Variants in R3HCC1L observed in about 807,000 individuals in gnomAD.
R3HCC1L encodes R3H domain and coiled-coil containing 1 like.
Under a neutral mutation model 59.9 loss-of-function variants are expected in R3HCC1L, and 51 were observed. That is an observed-to-expected ratio of 0.85 (90% CI 0.68 to 1.07). R3HCC1L has a LOEUF of 1.07. Among genes scored for constraint, R3HCC1L ranks in the 50% least tolerant of loss-of-function variants. R3HCC1L has a pLI of 0.00. For synonymous variants in R3HCC1L, 322 were observed against 315.2 expected (o/e 1.02, Z -0.23); for missense variants, 965 against 933.0 (o/e 1.03, Z -0.45).
rs11189497 is a variant in R3HCC1L at position 98,154,357 on chromosome 10, G to A, written c.-267-1736G>A. On this transcript the variant is annotated intron_variant, in intron 1 of 9. Coordinates refer to ENST00000298999, the MANE Select transcript of R3HCC1L (RefSeq NM_001351015.2). ...TGTATGGAGGAATCTGGTGTGTGCA[G>A]ATATATATTGCAGCTGATGGCAGCT... 6.7e-3 allele frequency among the ~76,000 whole-genome samples: 1,026 copies of A among 152,208 alleles called. 19 individuals carry two copies. The highest frequency in any genetic ancestry group is 0.024 in the African/African-American group (984 of 41,512).
At chr10:98,243,791 T>G (rs7906161) in intron 9 of R3HCC1L, among the ~76,000 whole-genome samples, 3,723 of 152,316 alleles carry the variant, frequency 0.024, 145 homozygotes, top group African/African-American at 0.08. Flanking sequence ...AAAAGTAGAA[T>G]TTAAATATGT....
chr10:98,156,629 T>G (rs993207876), intron 2 of R3HCC1L, among the ~76,000 whole-genome samples: 2 of 152,134 alleles, frequency 1.3e-5, no homozygotes, highest in Non-Finnish European at 2.9e-5. Flanking sequence ...ATTAGAAAAT[T>G]TTAAGAGGCA....
chr10:98,193,856 T>C (rs1851119164), intron 4 of R3HCC1L, among the ~76,000 whole-genome samples: 1 of 152,160 alleles, frequency 6.6e-6, no homozygotes, highest in South Asian at 2.1e-4. Context: ...CTGATAAATA[T>C]TGATGCAATA....
rs1856186067 is a variant in R3HCC1L, at chr10:98,230,083, A to T, written c.1786-1429A>T. Among the ~76,000 whole-genome samples, 3 of 152,274 alleles carry T rather than the reference A, an allele frequency of 2.0e-5. No homozygotes were observed. In the South Asian group the frequency reaches 6.2e-4, roughly 32 times the overall value. On this transcript the variant is annotated intron_variant, in intron 5 of 9. Transcript: ENST00000298999. ...TCTGCCAGGCTTTGGTATCAGGATG[A>T]TGCTGGCCTCATAAAATGAGTTATG...
At chr10:98,136,009 T>C (rs181956645) in intron 1 of R3HCC1L, among the ~76,000 whole-genome samples, 163 of 151,490 alleles carry the variant, frequency 1.1e-3, no homozygotes, top group African/African-American at 3.7e-3. Flanking sequence ...ATGCTAATTC[T>C]GCAATCAGTT....
chr10:98,163,271 A>T, intron 3 of R3HCC1L, 22 bp from the exon 4 acceptor site: 1 of 485,678 alleles, frequency 2.1e-6, no homozygotes, highest in Non-Finnish European at 3.5e-6. Context: ...TATAAAAATA[A>T]CTTATTATTA....
At chr10:98,200,658 GAAGA>G (rs1272055352) in intron 4 of R3HCC1L, among the ~76,000 whole-genome samples, 1 of 151,964 alleles carries the variant, frequency 6.6e-6, no homozygotes, top group Non-Finnish European at 1.5e-5. Flanking sequence ...AACACAAAAG[GAAGA>G]AAGCACAAAT....
rs139067059 is a variant in R3HCC1L at position 98,208,703 on chromosome 10, G to A, written c.589G>A (p.Ala197Thr). ...DFSRHEPDGE[A>T]FEDKDLEGRI... is the part of the protein sequence containing the mutation. ...CAGTAGGCATGAACCTGATGGGGAA[G>A]CATTTGAAGACAAAGATTTGGAAGG... The change falls in exon 5 of 10, where the codon GCA (alanine) becomes ACA (threonine). Residue 197 changes from alanine to threonine, a missense_variant. Physicochemically the swap from Ala to Thr is moderately conservative, Grantham distance 58. Transcript: ENST00000298999. 144 of 1,614,154 alleles carry A rather than the reference G, an allele frequency of 8.9e-5. No homozygotes were observed. The Middle Eastern group carries it at 1.2e-3, about 13-fold the overall frequency.
chr10:98,242,956 C>T lies in R3HCC1L; in HGVS notation c.2270-1135C>T, dbSNP rs554809317. Reference sequence around the variant, plus strand: ...GCATTCTCTACCAGCCTTCATTTTGCAATTTGCAGACCACTGTTTTTTGCC... The same window carrying T: ...GCATTCTCTACCAGCCTTCATTTTGTAATTTGCAGACCACTGTTTTTTGCC... On this transcript the variant is annotated intron_variant, in intron 9 of 9. Coordinates refer to ENST00000298999, the MANE Select transcript of R3HCC1L (RefSeq NM_001351015.2). Among the ~76,000 whole-genome samples the T allele has an allele frequency of 6.6e-5, 10 of 152,318 alleles. No individual in the cohort carries two copies. In the South Asian group the frequency reaches 1.2e-3, roughly 19 times the overall value.
At chr10:98,183,958 GTT>G (rs71007380) in intron 4 of R3HCC1L, among the ~76,000 whole-genome samples, 43,084 of 126,476 alleles carry the variant, frequency 0.34, 6,737 homozygotes, top group East Asian at 0.48. Context: ...TCCTTTTTCG[GTT>G]TTTTTTTTTT....
At chr10:98,152,226 A>C (rs1213583996) in intron 1 of R3HCC1L, among the ~76,000 whole-genome samples, 1 of 152,190 alleles carries the variant, frequency 6.6e-6, no homozygotes, top group Non-Finnish European at 1.5e-5. Flanking sequence ...AGGTGCCGGG[A>C]TTGCAGACGG....
chr10:98,229,056 T>C (rs888300557), intron 5 of R3HCC1L, among the ~76,000 whole-genome samples: 9 of 152,094 alleles, frequency 5.9e-5, no homozygotes, highest in Non-Finnish European at 1.3e-4. Context: ...AGGATTGACT[T>C]GGCAATGCAG....
At chr10:98,213,548 A>G (rs1853826442) in intron 5 of R3HCC1L, among the ~76,000 whole-genome samples, 1 of 152,162 alleles carries the variant, frequency 6.6e-6, no homozygotes, top group Non-Finnish European at 1.5e-5. Context: ...AGGGGATTAG[A>G]TCCCCCAATG....
intron 4 of R3HCC1L, among the ~76,000 whole-genome samples, chr10:98,184,518 A>G (rs1850017201): frequency 6.6e-6 from 1 of 152,164 alleles, no homozygotes. Context: ...AACAGGCTAT[A>G]CTGTCTTTGT....
intron 4 of R3HCC1L, among the ~76,000 whole-genome samples, chr10:98,170,279 A>G (rs1848393097): frequency 6.6e-6 from 1 of 151,950 alleles, no homozygotes; most frequent in Non-Finnish European, 1.5e-5. Flanking sequence ...AAATCCCTCA[A>G]CCAGATGATT....
intron 4 of R3HCC1L, chr10:98,186,466 G>T: frequency 1.0e-6 from 1 of 966,118 alleles, no homozygotes; most frequent in Non-Finnish European, 1.2e-6. Flanking sequence ...GTTTTTTCCA[G>T]ATGGTTTTAC....
chr10:98,188,640 A>G (rs1262617162), intron 4 of R3HCC1L, among the ~76,000 whole-genome samples: 1 of 152,192 alleles, frequency 6.6e-6, no homozygotes, highest in Non-Finnish European at 1.5e-5. Context: ...GAGGTTAAAG[A>G]AGGCAATTGG....
intron 4 of R3HCC1L, among the ~76,000 whole-genome samples, chr10:98,199,657 G>T (rs1170991113): frequency 6.6e-6 from 1 of 151,532 alleles, no homozygotes; most frequent in East Asian, 1.9e-4. Flanking sequence ...CTTGCTAATT[G>T]AGAAAATTAG....
In R3HCC1L at chr10:98,244,198, A is replaced by G. The variant is rs1469124413; in HGVS notation, c.*40A>G. On this transcript the variant is annotated 3_prime_UTR_variant, in exon 10 of 10. Coordinates refer to ENST00000298999, the MANE Select transcript of R3HCC1L (RefSeq NM_001351015.2). The stretch of plus-strand genomic sequence containing the variant: ...AAGGGATAATTCCATGAATCAGAAA[A>G]TGTTTCCATAGCCTTCAGATAAGAT... The G allele has an allele frequency of 2.5e-5, 40 of 1,571,168 alleles. No homozygotes were observed. Among genetic ancestry groups the G allele is most frequent in the Admixed American group, 3.3e-5 (2 of 59,870 alleles).
Sources: allele counts gnomAD v4.1 joint callset (sites outside exome capture counted in the v4.1 genomes callset), GRCh38; gene constraint gnomAD v4.1.1; transcripts MANE v1.5; gene names NCBI Gene and HGNC (gene_info 2026-07-23, HGNC 2026-07-21).